Variants in ESR2 observed in about 807,000 individuals in gnomAD.
ESR2 encodes estrogen receptor beta.
A neutral mutation model predicts 49.6 loss-of-function variants in ESR2; 36 were observed. That is an observed-to-expected ratio of 0.73 (90% CI 0.56 to 0.96). The LOEUF (loss-of-function observed/expected upper bound fraction) is 0.96. Among genes scored for constraint, ESR2 ranks in the 40% least tolerant of loss-of-function variants. The pLI, the probability that ESR2 is intolerant of heterozygous loss-of-function variation, is 0.00. For synonymous variants in ESR2, 320 were observed against 266.1 expected (o/e 1.20, Z -1.97); for missense variants, 714 against 693.0 (o/e 1.03, Z -0.34).
At chr14:64,280,286 C>T (rs1363771682) in intron 2 of ESR2, 133 bp from the exon 3 acceptor site, 7 of 675,080 alleles carry the variant, frequency 1.0e-5, no homozygotes, top group Non-Finnish European at 1.5e-5. Context: ...AATATATTCC[C>T]GGAAATCTGA....
intron 1 of ESR2, among the ~76,000 whole-genome samples, chr14:64,324,321 G>C (rs1268410842): frequency 6.6e-6 from 1 of 152,128 alleles, no homozygotes; most frequent in Non-Finnish European, 1.5e-5. Context: ...ATATGGGAAA[G>C]GGCATGTTTT....
intron 8 of ESR2, chr14:64,234,661 G>A: frequency 2.0e-6 from 1 of 493,874 alleles, no homozygotes; most frequent in South Asian, 4.5e-5. Flanking sequence ...AAACAGGGGT[G>A]GCAGTTCGTG....
At chr14:64,239,490 C>T (rs1449660903) in intron 7 of ESR2, among the ~76,000 whole-genome samples, 2 of 152,076 alleles carry the variant, frequency 1.3e-5, no homozygotes, top group Non-Finnish European at 2.9e-5. Flanking sequence ...TTTAAATAGA[C>T]TTGTTTCTAA....
intron 1 of ESR2, among the ~76,000 whole-genome samples, chr14:64,290,404 AT>A (rs755613340): frequency 9.3e-4 from 141 of 151,602 alleles, no homozygotes; most frequent in Middle Eastern, 6.8e-3. Context: ...TTATTTATTT[AT>A]TTATTTATTT....
upstream of ESR2, among the ~76,000 whole-genome samples, chr14:64,296,950 C>G (rs144371915): frequency 8.6e-3 from 1,306 of 152,252 alleles, 6 homozygotes; most frequent in Non-Finnish European, 0.013. Flanking sequence ...TATTCCAATT[C>G]TACCTGAATT....
intron 3 of ESR2, among the ~76,000 whole-genome samples, chr14:64,274,133 G>C (rs150050210): frequency 2.0e-5 from 3 of 150,112 alleles, no homozygotes; most frequent in African/African-American, 4.9e-5. Flanking sequence ...TTTTTGTAGA[G>C]ATAGGGATCT....
intron 1 of ESR2, chr14:64,336,086 G>A (rs2077528744): frequency 6.6e-6 from 1 of 151,590 alleles, no homozygotes; most frequent in South Asian, 2.1e-4. Flanking sequence ...CCTGACCTCA[G>A]GTGATCCATC....
intron 1 of ESR2, among the ~76,000 whole-genome samples, chr14:64,326,121 C>A (rs530188927): frequency 6.6e-6 from 1 of 152,116 alleles, no homozygotes; most frequent in Non-Finnish European, 1.5e-5. Context: ...TAGACCCTTG[C>A]TTTACATACA....
intron 1 of ESR2, among the ~76,000 whole-genome samples, chr14:64,289,038 T>C (rs1469165269): frequency 4.0e-5 from 6 of 149,530 alleles, no homozygotes; most frequent in African/African-American, 1.2e-4. Context: ...TTCTTATGTA[T>C]ATTCTATCAA....
At chr14:64,266,432 A>T (rs1423559846) in intron 4 of ESR2, among the ~76,000 whole-genome samples, 1 of 152,246 alleles carries the variant, frequency 6.6e-6, no homozygotes, top group East Asian at 1.9e-4. Context: ...ACTCTATGGG[A>T]TCCAACCTCC....
At position 64,260,504 on chromosome 14, in the gene ESR2, G is replaced by A. The variant is rs769738063; in HGVS notation, c.897C>T (p.Thr299=). ...FTEASMMMSL[T]KLADKELVHM... is the part of the protein sequence containing the mutation. ...GTACCAACTCCTTGTCGGCCAACTT[G>A]GTCAGGGACATCATCATGGAGGCCT... is the stretch of plus-strand genomic sequence containing the variant. The change falls in exon 5 of 9, where the codon ACC becomes ACT. Residue 299 remains threonine, a synonymous_variant. Transcript: ENST00000341099. The A allele has an allele frequency of 1.3e-6, 2 of 1,541,336 alleles. No homozygotes were observed. Among genetic ancestry groups the A allele is most frequent in the Non-Finnish European group, 1.7e-6 (2 of 1,144,520 alleles).
chr14:64,247,357 TAGTGCCAATA>T (rs2075885099), intron 7 of ESR2, among the ~76,000 whole-genome samples: 1 of 148,600 alleles, frequency 6.7e-6, no homozygotes, highest in Non-Finnish European at 1.5e-5. Flanking sequence ...ACAAAAAAAC[TAGTGCCAATA>T]TCCAAGAGTC....
intron 1 of ESR2, among the ~76,000 whole-genome samples, chr14:64,334,438 G>A (rs1367046437): frequency 1.3e-5 from 2 of 152,294 alleles, no homozygotes; most frequent in East Asian, 3.9e-4. Flanking sequence ...CCTTTCCACA[G>A]CACTGTTTGA....
chr14:64,263,929 T>C (rs1057098451), intron 4 of ESR2, among the ~76,000 whole-genome samples: 2 of 152,196 alleles, frequency 1.3e-5, no homozygotes, highest in African/African-American at 4.8e-5. Flanking sequence ...ATTCAGATCA[T>C]ATTCTCTGAC....
chr14:64,318,854 G>A (rs897322800), intron 1 of ESR2, among the ~76,000 whole-genome samples: 2 of 152,044 alleles, frequency 1.3e-5, no homozygotes, highest in Admixed American at 1.3e-4. Context: ...GCCAGCCTGG[G>A]CAACATGGTG....
intron 1 of ESR2, chr14:64,336,467 AAC>A (rs778100455): frequency 1.3e-5 from 2 of 152,194 alleles, no homozygotes; most frequent in Non-Finnish European, 1.5e-5. Context: ...TGTAACATTT[AAC>A]AGTTAATTAC....
chr14:64,315,285 CT>C (rs1555596567), intron 1 of ESR2, among the ~76,000 whole-genome samples: 1 of 149,112 alleles, frequency 6.7e-6, no homozygotes, highest in Non-Finnish European at 1.5e-5. Flanking sequence ...AGAGAAGACG[CT>C]AGTTACCAGT....
At chr14:64,273,605 T>G (rs1218564180) in intron 3 of ESR2, among the ~76,000 whole-genome samples, 1 of 152,210 alleles carries the variant, frequency 6.6e-6, no homozygotes, top group Non-Finnish European at 1.5e-5. Flanking sequence ...TGCATCAAAT[T>G]AATTTGCATA....
chr14:64,333,330 A>G (rs964145057), intron 1 of ESR2, among the ~76,000 whole-genome samples: 5 of 152,046 alleles, frequency 3.3e-5, no homozygotes, highest in African/African-American at 1.2e-4. Context: ...GACTCTGAAT[A>G]CTTGTTTTTC....
Sources: gnomAD v4.1 joint callset for allele counts (sites outside exome capture counted in the v4.1 genomes callset) on GRCh38, gnomAD v4.1.1 for gene constraint, MANE v1.5 for transcripts, NCBI Gene and HGNC (gene_info 2026-07-23, HGNC 2026-07-21) for gene names.